The following ANO1 variants were observed in gnomAD, a reference collection of about 807,000 sequenced individuals.
ANO1 encodes the protein anoctamin 1.
A neutral mutation model predicts 124.0 loss-of-function variants in ANO1; 59 were observed. The observed-to-expected ratio is 0.48, with a 90% CI of 0.39 to 0.59. The LOEUF is 0.59. ANO1 is among the 20% of genes least tolerant of loss of function. ANO1 has a pLI of 0.00. For synonymous variants in ANO1, 529 were observed against 532.0 expected (o/e 0.99, Z 0.08); for missense variants, 1,059 against 1,328.0 (o/e 0.80, Z 3.15).
intron 11 of ANO1, among the ~76,000 whole-genome samples, chr11:70,148,241 A>C (rs867352533): frequency 3.7e-4 from 57 of 152,214 alleles, no homozygotes; most frequent in Admixed American, 1.4e-3. Context: ...TTCTCGGAGA[A>C]GCCATTTGAT....
intron 1 of ANO1, among the ~76,000 whole-genome samples, chr11:69,987,995 G>A (rs1856081541): frequency 2.0e-5 from 3 of 152,186 alleles, no homozygotes; most frequent in South Asian, 4.1e-4. Context: ...CCCCTGCTGT[G>A]GGTAGCAGCC....
Position 70,161,214 on chromosome 11 carries a change from G to A in ANO1, c.1632G>A (p.Met544Ile). Residue 544 changes from methionine to isoleucine, a missense_variant, in exon 17 of 26, where the codon ATG becomes ATA. Physicochemically the swap from Met to Ile is conservative, Grantham distance 10 (BLOSUM62 1). This residue lies in a region of ANO1 where 809 missense variants were observed against 1,094.9 expected (regional missense o/e 0.74). Coordinates refer to ENST00000355303, the MANE Select transcript of ANO1 (RefSeq NM_018043.7). Reference protein sequence around the residue: ...VLGVIIYRISMAAALAMNSSP... With the variant: ...VLGVIIYRISIAAALAMNSSP... The stretch of plus-strand genomic sequence containing the variant: ...GCGTCATCATCTACAGAATCTCCAT[G>A]GCCGCCGCCTTGGCCATGAACTCCT... 2 of 1,613,916 alleles carry A rather than the reference G, an allele frequency of 1.2e-6. No homozygotes were observed. Among genetic ancestry groups the A allele is most frequent in the Non-Finnish European group, 1.7e-6 (2 of 1,179,834 alleles).
intron 1 of ANO1, among the ~76,000 whole-genome samples, chr11:70,023,885 A>G (rs1334791510): frequency 2.6e-5 from 4 of 152,264 alleles, no homozygotes; most frequent in Admixed American, 2.6e-4. Flanking sequence ...TTTACATTTC[A>G]GGGATTTCAA....
intron 9 of ANO1, among the ~76,000 whole-genome samples, chr11:70,125,230 C>T (rs933382934): frequency 1.4e-4 from 22 of 152,164 alleles, no homozygotes; most frequent in African/African-American, 5.3e-4. Context: ...ATAGTCCCAG[C>T]TACTAGGGAG....
At chr11:70,013,642 A>AAAACT (rs1338993913) in intron 1 of ANO1, among the ~76,000 whole-genome samples, 1 of 151,854 alleles carries the variant, frequency 6.6e-6, no homozygotes, top group Non-Finnish European at 1.5e-5. Context: ...AAAACAAAAC[A>AAAACT]AAACAAAAAA....
chr11:69,972,062 A>AAAATAAAT, the ANO1 span, among the ~76,000 whole-genome samples: 419 of 149,424 alleles, frequency 2.8e-3, no homozygotes, highest in Non-Finnish European at 4.3e-3. Flanking sequence ...CTCTACTAAA[A>AAAATAAAT]AAATAAATAA....
At chr11:70,014,166 TG>T (rs149414460) in intron 1 of ANO1, among the ~76,000 whole-genome samples, 7,715 of 152,040 alleles carry the variant, frequency 0.051, 655 homozygotes, top group African/African-American at 0.17. Context: ...ACATATCAAC[TG>T]GGGGGGAAGC....
the ANO1 span, among the ~76,000 whole-genome samples, chr11:69,966,009 G>A: frequency 2.6e-5 from 4 of 151,924 alleles, no homozygotes; most frequent in African/African-American, 4.8e-5. Context: ...GCCCTGCCAC[G>A]CTGCTTCATG....
chr11:70,148,939 T>A (rs1022053436), intron 11 of ANO1, among the ~76,000 whole-genome samples: 18 of 152,124 alleles, frequency 1.2e-4, no homozygotes, highest in African/African-American at 4.3e-4. Context: ...AGGGGGATGA[T>A]CTGTGGCTTC....
At chr11:70,013,383 CT>C (rs72435989) in intron 1 of ANO1, among the ~76,000 whole-genome samples, 7,740 of 152,176 alleles carry the variant, frequency 0.051, 657 homozygotes, top group African/African-American at 0.17. Flanking sequence ...CCAGGCTTGC[CT>C]TTTTTTTAAA....
chr11:70,026,075 G>GTGA (rs1294070617), intron 1 of ANO1, among the ~76,000 whole-genome samples: 3 of 142,714 alleles, frequency 2.1e-5, no homozygotes, highest in Admixed American at 7.0e-5. Context: ...TGTGGTGGTG[G>GTGA]TGATGATGAT....
chr11:70,163,426 A>C, intron 19 of ANO1, 86 bp downstream of exon 19: 1 of 1,494,558 alleles, frequency 6.7e-7, no homozygotes, highest in Non-Finnish European at 9.3e-7. Flanking sequence ...AAGCAGCTGC[A>C]GCACATTTGT....
chr11:70,128,245 G>A (rs959957603), intron 10 of ANO1, among the ~76,000 whole-genome samples: 2 of 150,630 alleles, frequency 1.3e-5, no homozygotes, highest in Non-Finnish European at 1.5e-5. Flanking sequence ...CAGGAGAAAG[G>A]TTTCCCTTTG....
intron 1 of ANO1, among the ~76,000 whole-genome samples, chr11:70,001,925 C>T (rs900231270): frequency 6.6e-6 from 1 of 152,008 alleles, no homozygotes; most frequent in African/African-American, 2.4e-5. Flanking sequence ...TCAGCCTCTC[C>T]AGTAGCTCGG....
chr11:70,187,896 G>A lies in ANO1; in HGVS notation c.2853G>A (p.Lys951=), dbSNP rs200970906. The A allele has an allele frequency of 4.6e-4, 741 of 1,600,344 alleles. 3 individuals carry two copies. In the African/African-American group the frequency reaches 9.3e-3, roughly 20 times the overall value. Residue 951 remains lysine (K), a synonymous_variant, in exon 26 of 26, where the codon AAG becomes AAA. Transcript: ENST00000355303. ...AGCTGCTGGAAACCTGGATGGAGAA[G>A]GAGCGGCAGAAGGACGAGCCGCCGT... The part of the protein sequence containing the change: ...KQQLLETWME[K]ERQKDEPPCN...
At chr11:70,072,726 G>A (rs934996135) in intron 1 of ANO1, 1 of 152,338 alleles carries the variant, frequency 6.6e-6, no homozygotes, top group African/African-American at 2.4e-5. Flanking sequence ...TGCAACTTTG[G>A]TGCACTCACG....
At chr11:69,994,008 G>A (rs1856208094) in intron 1 of ANO1, among the ~76,000 whole-genome samples, 1 of 152,034 alleles carries the variant, frequency 6.6e-6, no homozygotes, top group Admixed American at 6.6e-5. Context: ...ATGAGGAGTT[G>A]GTCAGTGTCA....
At chr11:70,041,984 A>G (rs1857189967) in intron 1 of ANO1, among the ~76,000 whole-genome samples, 1 of 152,138 alleles carries the variant, frequency 6.6e-6, no homozygotes. Context: ...CATAAAAAGG[A>G]ACTAGGGCAC....
At chr11:70,138,348 A>G (rs1307308652) in intron 11 of ANO1, among the ~76,000 whole-genome samples, 4 of 92,568 alleles carry the variant, frequency 4.3e-5, no homozygotes, top group African/African-American at 1.4e-4. Flanking sequence ...TCCATCTCAG[A>G]AAAAAAAAAA....
Sources: gnomAD v4.1 joint callset for allele counts (sites outside exome capture counted in the v4.1 genomes callset) on GRCh38, gnomAD v4.1.1 for gene constraint, gnomAD v4.1.1 regional missense constraint, MANE v1.5 for transcripts, NCBI Gene and HGNC (gene_info 2026-07-23, HGNC 2026-07-21) for gene names.